GPLD1: variants seen among roughly 807,000 people sequenced by gnomAD.
GPLD1 encodes phosphatidylinositol-glycan-specific phospholipase D.
In GPLD1, 84 loss-of-function variants were observed where a neutral mutation model predicts 112.6. The ratio of observed to expected loss-of-function variants is 0.75; its 90% CI spans 0.63 to 0.89. The LOEUF (loss-of-function observed/expected upper bound fraction) is 0.89, where lower values mean the gene tolerates loss of function less well. GPLD1 is among the 40% of genes least tolerant of loss of function. GPLD1 has a pLI of 0.00. For synonymous variants in GPLD1, 386 were observed against 403.8 expected (o/e 0.96, Z 0.53); for missense variants, 1,044 against 1,051.5 (o/e 0.99, Z 0.10).
intron 14 of GPLD1, among the ~76,000 whole-genome samples, chr6:24,451,242 T>TC (rs1019155673): frequency 3.3e-5 from 5 of 152,224 alleles, no homozygotes; most frequent in Non-Finnish European, 5.9e-5. Context: ...ACTTTTTTTT[T>TC]CCAAAGTGGA....
At position 24,437,839 on chromosome 6, in the gene GPLD1, T is replaced by A. The variant is rs115278368; in HGVS notation, c.2021-550A>T. 2.9e-3 allele frequency among the ~76,000 whole-genome samples: 436 copies of A among 152,340 alleles called. 1 individual carries two copies. Among genetic ancestry groups the A allele is most frequent in the African/African-American group, 9.8e-3 (409 of 41,578 alleles). ...TCCACATCCCTCTGCTGGCTACTCC[T>A]GTCACCCTGCAGAATTTGGCTCAGG... On this transcript the variant is annotated intron_variant, in intron 20 of 24. Transcript: ENST00000230036.
intron 10 of GPLD1, among the ~76,000 whole-genome samples, chr6:24,463,384 T>C (rs960773307): frequency 3.9e-5 from 6 of 152,104 alleles, no homozygotes; most frequent in African/African-American, 1.4e-4. Context: ...TTAAGATTTG[T>C]ATGGAGGTCA....
At position 24,480,065 on chromosome 6, in the gene GPLD1, G is replaced by A. The variant is rs112440377; in HGVS notation, c.154-106C>T. 2,982 of 704,794 alleles carry A rather than the reference G, an allele frequency of 4.2e-3. 8 individuals are homozygous for A. Among genetic ancestry groups the A allele is most frequent in the Non-Finnish European group, 6.2e-3 (2,409 of 391,168 alleles). 43.7% of individuals were successfully genotyped at this position (704,794 alleles called of 1,614,324 possible). A position where few individuals can be genotyped will look rare whatever the true frequency, so the allele number is the denominator to read the frequency against. The stretch of plus-strand genomic sequence containing the variant: ...GAGATGCTAGAAATATGGGGGTATA[G>A]ATGGAATGAAAGGGAAAAAGGAAGG... On this transcript the variant is annotated intron_variant, in intron 2 of 24. Transcript: ENST00000230036.
At chr6:24,474,015 A>G (rs1763919270) in intron 5 of GPLD1, among the ~76,000 whole-genome samples, 1 of 151,946 alleles carries the variant, frequency 6.6e-6, no homozygotes, top group Non-Finnish European at 1.5e-5. Flanking sequence ...AATCCCAGCT[A>G]CTTGGGAGGC....
Position 24,446,825 on chromosome 6 carries a change from G to A in GPLD1, c.1820+13C>T. 4.3e-6 allele frequency: 7 copies of A among 1,611,884 alleles called. No individual in the cohort carries two copies. Among genetic ancestry groups the A allele is most frequent in the Non-Finnish European group, 5.9e-6 (7 of 1,178,956 alleles). On this transcript the variant is annotated intron_variant, in intron 18 of 24. Coordinates refer to ENST00000230036, the MANE Select transcript of GPLD1 (RefSeq NM_001503.4). ...CTGTGTTCATGGTTCCCAGCCCCCAGCATCAGCCTCACCTGCTGGCATTCT... is the reference window on the plus strand; with the variant it reads ...CTGTGTTCATGGTTCCCAGCCCCCAACATCAGCCTCACCTGCTGGCATTCT...
intron 10 of GPLD1, among the ~76,000 whole-genome samples, chr6:24,464,527 G>A (rs1019559105): frequency 5.9e-5 from 9 of 152,170 alleles, no homozygotes; most frequent in Admixed American, 3.3e-4. Flanking sequence ...AGCTAAGGTC[G>A]AATTTGTCAT....
At chr6:24,433,532 G>A (rs376275268) in intron 22 of GPLD1, 143 bp from the exon 23 acceptor site, 21 of 574,548 alleles carry the variant, frequency 3.7e-5, no homozygotes, top group African/African-American at 9.5e-5. Context: ...TTGCTCTGTC[G>A]CCCAGGCTGG....
At chr6:24,464,691 C>G (rs1443621053) in intron 10 of GPLD1, among the ~76,000 whole-genome samples, 1 of 152,230 alleles carries the variant, frequency 6.6e-6, no homozygotes, top group African/African-American at 2.4e-5. Flanking sequence ...ACAGCTAACT[C>G]TGCTATGATC....
intron 14 of GPLD1, among the ~76,000 whole-genome samples, chr6:24,451,271 T>A (rs1763073689): frequency 1.3e-5 from 2 of 152,200 alleles, no homozygotes; most frequent in Non-Finnish European, 2.9e-5. Context: ...ATCTTTCTTA[T>A]CCTACCGTCT....
At chr6:24,449,612 G>A (rs1292087625) in intron 15 of GPLD1, among the ~76,000 whole-genome samples, 177 bp downstream of exon 15, 1 of 152,144 alleles carries the variant, frequency 6.6e-6, no homozygotes, top group East Asian at 1.9e-4. Flanking sequence ...GTGCTACAAG[G>A]TAACTCAAGG....
intron 2 of GPLD1, among the ~76,000 whole-genome samples, chr6:24,483,621 C>T (rs1357585970): frequency 6.6e-6 from 1 of 151,024 alleles, no homozygotes; most frequent in Non-Finnish European, 1.5e-5. Flanking sequence ...GAGGTGAGAT[C>T]ACACCACTGC....
chr6:24,448,353 G>T, intron 15 of GPLD1, 145 bp from the exon 16 acceptor site: 1 of 376,054 alleles, frequency 2.7e-6, no homozygotes, highest in South Asian at 3.3e-5. Context: ...GCCCAAGTGG[G>T]AACATTGCTT....
In GPLD1 at chr6:24,448,137, G is replaced by T; in HGVS notation, c.1518C>A (p.Cys506Ter). Reference sequence around the variant, plus strand: ...CTGGCTAAAGTGGTAAACATACCTGGCAAGAAATGGTGATGTTAGGGGAAG... The same window carrying T: ...CTGGCTAAAGTGGTAAACATACCTGTCAAGAAATGGTGATGTTAGGGGAAG... ...MSSSPNITIS[C>*]QDIYCNLGWT... is the part of the protein sequence containing the mutation. Residue 506 changes from cysteine (C) to a stop codon, truncating the protein, a stop_gained, in exon 16 of 25, where the codon TGC becomes TGA. Transcript: ENST00000230036. LOFTEE classifies it high-confidence loss of function. 1 of 1,611,340 alleles carries T rather than the reference G, an allele frequency of 6.2e-7. No homozygotes were observed.
At position 24,445,661 on chromosome 6, in the gene GPLD1, T is replaced by C. The variant is rs146157574; in HGVS notation, c.1927-22A>G. The C allele has an allele frequency of 1.0e-5, 16 of 1,606,934 alleles. No individual in the cohort carries two copies. In the East Asian group the frequency reaches 3.6e-4, roughly 36 times the overall value. ...TTGCCTGTGAGACACAATAAATCAA[T>C]ATTGTATAGGTGAGAAAACTTCCTT... On this transcript the variant is annotated intron_variant, in intron 19 of 24. Transcript: ENST00000230036.
chr6:24,437,714 T>G (rs1265568682), intron 20 of GPLD1, among the ~76,000 whole-genome samples: 1 of 152,148 alleles, frequency 6.6e-6, no homozygotes, highest in East Asian at 1.9e-4. Flanking sequence ...TTCACCAAAA[T>G]GAACTTAAAC....
Position 24,466,658 on chromosome 6 carries a change from T to C in GPLD1, c.821+22A>G, listed in dbSNP as rs375267175. 39 of 1,600,446 alleles carry C rather than the reference T, an allele frequency of 2.4e-5. No homozygotes were observed. The African/African-American group carries it at 3.2e-4, about 13-fold the overall frequency. On this transcript the variant is annotated intron_variant, in intron 10 of 24. Coordinates refer to ENST00000230036, the MANE Select transcript of GPLD1 (RefSeq NM_001503.4). ...TAAAAAGGCAGAGAGTGATTGGTAA[T>C]AGAAATGCAATATGAATTCACCTGG... is the stretch of plus-strand genomic sequence containing the variant.
At chr6:24,481,029 G>A (rs985072151) in intron 2 of GPLD1, among the ~76,000 whole-genome samples, 1 of 152,212 alleles carries the variant, frequency 6.6e-6, no homozygotes, top group Admixed American at 6.5e-5. Context: ...AGAACCAATA[G>A]GTGAGGTGGT....
At chr6:24,469,165 C>T (rs556823666) in intron 7 of GPLD1, among the ~76,000 whole-genome samples, 56 of 151,928 alleles carry the variant, frequency 3.7e-4, no homozygotes, top group Middle Eastern at 3.4e-3. Flanking sequence ...TAGGAACACT[C>T]TTACACTGTT....
Position 24,440,403 on chromosome 6 carries a change from C to T in GPLD1, c.2021-3114G>A, listed in dbSNP as rs562376504. 4.6e-5 allele frequency among the ~76,000 whole-genome samples: 7 copies of T among 152,104 alleles called. No individual in the cohort carries two copies. The South Asian group carries it at 1.5e-3, about 32-fold the overall frequency. ...AGGTAACAGTGAGCTGTGATCACAC[C>T]ATTGAACTCCAGCCTGGGCAACAGA... On this transcript the variant is annotated intron_variant, in intron 20 of 24. Transcript: ENST00000230036.
Sources: gnomAD v4.1 joint callset for allele counts (sites outside exome capture counted in the v4.1 genomes callset) on GRCh38, gnomAD v4.1.1 for gene constraint, MANE v1.5 for transcripts, NCBI Gene and HGNC (gene_info 2026-07-23, HGNC 2026-07-21) for gene names.